Variants in ROBO2 observed in about 807,000 individuals in gnomAD.
The protein encoded by ROBO2 is roundabout homolog 2.
ROBO2 carries 53 observed loss-of-function variants against 160.8 expected under a neutral mutation model. The ratio of observed to expected loss-of-function variants is 0.33; its 90% CI spans 0.26 to 0.41. The LOEUF is 0.41. ROBO2 is among the 10% of genes least tolerant of loss of function. The probability of loss-of-function intolerance (pLI) is 1.00; values close to 1 mark genes in which losing one functional copy is unlikely to be tolerated. For synonymous variants in ROBO2, 664 were observed against 611.7 expected (o/e 1.09, Z -1.26); for missense variants, 1,577 against 1,722.4 (o/e 0.92, Z 1.49).
At chr3:77,524,908 T>A (rs775781) in intron 6 of ROBO2, among the ~76,000 whole-genome samples, 119,796 of 150,982 alleles carry the variant, frequency 0.79, 48,248 homozygotes, top group African/African-American at 0.93. Context: ...GACTGAAACC[T>A]CAAAAACTGG....
At chr3:76,514,716 T>C (rs1271132613) in intron 2 of ROBO2, among the ~76,000 whole-genome samples, 2 of 152,146 alleles carry the variant, frequency 1.3e-5, no homozygotes, top group African/African-American at 4.8e-5. Flanking sequence ...AATCCCACCT[T>C]CAACTCACTT....
chr3:77,474,865 ATGGGAAC>A (rs1560939753), intron 2 of ROBO2, among the ~76,000 whole-genome samples: 2 of 152,218 alleles, frequency 1.3e-5, no homozygotes, highest in African/African-American at 4.8e-5. Context: ...TAGCACAAAA[ATGGGAAC>A]TGATAGATAT....
chr3:76,250,009 C>A (rs945729767), intron 2 of ROBO2, among the ~76,000 whole-genome samples: 1 of 151,936 alleles, frequency 6.6e-6, no homozygotes, highest in South Asian at 2.1e-4. Context: ...AGAAAATTTC[C>A]CATGTTTATT....
In ROBO2 at chr3:76,321,500, A is replaced by AACAAC. The variant is rs1559760276; in HGVS notation, c.109+383899_109+383900insCAACA. On this transcript the variant is annotated intron_variant, in intron 2 of 26. Coordinates refer to the ROBO2 transcript ENST00000487694. ...CAACAGAGCGAGGCTCCATCTCAAA[A>AACAAC]AACAACAACAACAACAACAACAACT... Among the ~76,000 whole-genome samples, 549 of 150,428 alleles carry AACAAC rather than the reference A, an allele frequency of 3.6e-3. 1 individual carries two copies. The highest frequency in any genetic ancestry group is 9.5e-3 in the African/African-American group (383 of 40,438).
intron 2 of ROBO2, among the ~76,000 whole-genome samples, chr3:76,338,671 T>A (rs891781067): frequency 6.6e-6 from 1 of 151,460 alleles, no homozygotes; most frequent in African/African-American, 2.4e-5. Context: ...CAGAGCAAGA[T>A]CATGCTTCTT....
chr3:76,557,056 C>G (rs191826339), intron 2 of ROBO2, among the ~76,000 whole-genome samples: 1 of 151,962 alleles, frequency 6.6e-6, no homozygotes, highest in Non-Finnish European at 1.5e-5. Flanking sequence ...TAGATAGTTA[C>G]CTTAATACCT....
At chr3:76,497,198 C>CT (rs1466344107) in intron 2 of ROBO2, among the ~76,000 whole-genome samples, 1 of 152,080 alleles carries the variant, frequency 6.6e-6, no homozygotes, top group Non-Finnish European at 1.5e-5. Context: ...TTTTCACTGT[C>CT]TTGTTTTTTT....
chr3:77,634,943 C>T, exon 24 of ROBO2: 1 of 1,614,122 alleles, frequency 6.2e-7, no homozygotes, highest in South Asian at 1.1e-5. Context: ...CCAGTGCAGC[C>T]CTGAGTCAAA....
intron 2 of ROBO2, among the ~76,000 whole-genome samples, chr3:77,121,319 C>T (rs923283296): frequency 6.6e-6 from 1 of 152,132 alleles, no homozygotes; most frequent in Non-Finnish European, 1.5e-5. Context: ...ATTCTGTCAG[C>T]ATAATCATTT....
At chr3:76,661,382 C>G (rs1255921449) in intron 2 of ROBO2, among the ~76,000 whole-genome samples, 1 of 152,108 alleles carries the variant, frequency 6.6e-6, no homozygotes, top group East Asian at 1.9e-4. Flanking sequence ...AGATAAGTCT[C>G]TTGATCAGTT....
intron 2 of ROBO2, among the ~76,000 whole-genome samples, chr3:76,628,842 A>C (rs2089841637): frequency 6.6e-6 from 1 of 152,244 alleles, no homozygotes; most frequent in Non-Finnish European, 1.5e-5. Context: ...AATAAAAGAC[A>C]GGGCAATGTA....
chr3:76,391,749 T>A (rs2077164847), intron 2 of ROBO2, among the ~76,000 whole-genome samples: 1 of 152,266 alleles, frequency 6.6e-6, no homozygotes, highest in Admixed American at 6.5e-5. Context: ...GACCTTGTGA[T>A]CTGCCCGTCT....
chr3:77,162,240 C>T (rs916019028), intron 2 of ROBO2, among the ~76,000 whole-genome samples: 1 of 152,078 alleles, frequency 6.6e-6, no homozygotes, highest in Admixed American at 6.5e-5. Context: ...TGTCCATACA[C>T]TAATAACAAC....
chr3:76,448,323 T>G (rs2109233143), intron 2 of ROBO2, among the ~76,000 whole-genome samples: 1 of 152,220 alleles, frequency 6.6e-6, no homozygotes, highest in East Asian at 1.9e-4. Context: ...AGAAATCTGA[T>G]ATATCTTGCA....
At chr3:77,074,806 T>C (rs2067786628) in intron 1 of ROBO2, among the ~76,000 whole-genome samples, 1 of 152,146 alleles carries the variant, frequency 6.6e-6, no homozygotes. Flanking sequence ...ACAACATAAA[T>C]GTCTCTAAGG....
intron 2 of ROBO2, among the ~76,000 whole-genome samples, chr3:77,468,281 C>A (rs1047663785): frequency 4.6e-5 from 7 of 152,178 alleles, no homozygotes; most frequent in Non-Finnish European, 1.0e-4. Flanking sequence ...CAACTGCTGG[C>A]TCTTTAACTG....
At chr3:75,955,274 C>T (rs901694393) in intron 2 of ROBO2, among the ~76,000 whole-genome samples, 3 of 151,670 alleles carry the variant, frequency 2.0e-5, no homozygotes, top group Admixed American at 2.0e-4. Context: ...CACTTAAGCT[C>T]GTGTTTTCAA....
At chr3:76,667,590 T>G (rs777110522) in intron 2 of ROBO2, among the ~76,000 whole-genome samples, 2 of 152,144 alleles carry the variant, frequency 1.3e-5, no homozygotes, top group Non-Finnish European at 2.9e-5. Context: ...CAACATTAAT[T>G]TGACATATTT....
chr3:77,522,666 T>C, intron 5 of ROBO2, 109 bp from the exon 6 acceptor site: 1 of 1,099,606 alleles, frequency 9.1e-7, no homozygotes, highest in East Asian at 2.4e-5. Flanking sequence ...TGTGTGTGTA[T>C]TTGTGTTTAG....
Sources: allele counts gnomAD v4.1 joint callset (sites outside exome capture counted in the v4.1 genomes callset), GRCh38; gene constraint gnomAD v4.1.1; transcripts MANE v1.5; gene names NCBI Gene and HGNC (gene_info 2026-07-23, HGNC 2026-07-21).